Variants in SOD1 observed in about 807,000 individuals in gnomAD.
SOD1 encodes the protein superoxide dismutase [Cu-Zn].
A neutral mutation model predicts 15.9 loss-of-function variants in SOD1; 8 were observed. That is an observed-to-expected ratio of 0.50 (90% CI 0.30 to 0.91). SOD1 has a LOEUF of 0.91. SOD1 is among the 40% of genes least tolerant of loss of function. SOD1 has a pLI of 0.07. For missense variants in SOD1, 137 were observed against 194.5 expected (o/e 0.70, Z 1.76); for synonymous variants, 86 against 71.2 (o/e 1.21, Z -1.04).
At chr21:31,666,370 T>G in intron 2 of SOD1, 79 bp from the exon 3 acceptor site, 1 of 1,105,678 alleles carries the variant, frequency 9.0e-7, no homozygotes, top group Non-Finnish European at 1.3e-6. Context: ...CATGGGAAGT[T>G]TTAGCAGTGT....
At chr21:31,667,424 C>A in intron 4 of SOD1, 49 bp downstream of exon 4, 2 of 1,235,020 alleles carry the variant, frequency 1.6e-6, no homozygotes, top group South Asian at 1.2e-5. Flanking sequence ...AACATACAGT[C>A]ATGTATCTTT....
At chr21:31,659,992 G>GC (rs928753718) in intron 1 of SOD1, 151 bp downstream of exon 1, 3 of 661,110 alleles carry the variant, frequency 4.5e-6, no homozygotes, top group Non-Finnish European at 7.2e-6. Flanking sequence ...CGGTGCCTTC[G>GC]CCCCCAGCGG....
chr21:31,660,440 A>C (rs2049538705), intron 1 of SOD1: 1 of 152,334 alleles, frequency 6.6e-6, no homozygotes, highest in Admixed American at 6.5e-5. Context: ...TACGCAACAG[A>C]GACCGTTTGT....
Position 31,668,531 on chromosome 21 carries a change from A to G in SOD1, c.418A>G (p.Asn140Asp), listed in dbSNP as rs1568811471. The G allele has an allele frequency of 6.2e-7, 1 of 1,613,980 alleles. No individual in the cohort carries two copies. The highest frequency in any genetic ancestry group is 8.5e-7 in the Non-Finnish European group (1 of 1,179,868). ...GGNEESTKTG[N>D]AGSRLACGVI... is the part of the protein sequence containing the mutation. ...AAATGAAGAAAGTACAAAGACAGGA[A>G]ACGCTGGAAGTCGTTTGGCTTGTGG... The change falls in exon 5 of 5, where the codon AAC (asparagine) becomes GAC (aspartate). Residue 140 changes from asparagine to aspartate, a missense_variant. Asn to Asp is a conservative substitution (Grantham distance 23). Transcript: ENST00000270142.
intron 3 of SOD1, chr21:31,666,864 A>AT: frequency 7.5e-6 from 3 of 399,430 alleles, no homozygotes; most frequent in South Asian, 5.7e-5. Flanking sequence ...GCTTCTGTAG[A>AT]TAAAAAAAAA....
rs2049621305 is a variant in SOD1, at chr21:31,668,657, T to C, written c.*79T>C. On this transcript the variant is annotated 3_prime_UTR_variant, in exon 5 of 5. Coordinates refer to ENST00000270142, the MANE Select transcript of SOD1 (RefSeq NM_000454.5). ...CTGTAGAAATGTATCCTGATAAACA[T>C]TAAACACTGTAATCTTAAAAGTGTA... 4 of 1,054,398 alleles carry C rather than the reference T, an allele frequency of 3.8e-6. No homozygotes were observed. The Middle Eastern group carries it at 6.0e-4, about 159-fold the overall frequency. 65.3% of individuals were successfully genotyped at this position (1,054,398 alleles called of 1,614,324 possible).
intron 1 of SOD1, among the ~76,000 whole-genome samples, chr21:31,663,021 A>T (rs1471513517): frequency 6.7e-6 from 1 of 150,254 alleles, no homozygotes; most frequent in Non-Finnish European, 1.5e-5. Flanking sequence ...CTCAAAAAAA[A>T]AAAGAAAAAA....
chr21:31,660,349 A>C (rs1050718821), intron 1 of SOD1: 2 of 152,254 alleles, frequency 1.3e-5, no homozygotes, highest in African/African-American at 4.8e-5. Flanking sequence ...TCAGCGCTCT[A>C]GGTCAGGGAG....
Position 31,666,508 on chromosome 21 carries a change from G to A in SOD1, c.229G>A (p.Asp77Asn). ...PLSRKHGGPK[D>N]EERHVGDLGN... is the part of the protein sequence containing the mutation. ...ATCCAGAAAACACGGTGGGCCAAAG[G>A]ATGAAGAGAGGTAACAAGATGCTTA... The change falls in exon 3 of 5, where the codon GAT (aspartate) becomes AAT (asparagine). Residue 77 changes from aspartate to asparagine, a missense_variant. Coordinates refer to ENST00000270142, the MANE Select transcript of SOD1 (RefSeq NM_000454.5). 6.2e-7 allele frequency: 1 copy of A among 1,610,712 alleles called. No individual in the cohort carries two copies. The highest frequency in any genetic ancestry group is 8.5e-7 in the Non-Finnish European group (1 of 1,177,128).
In SOD1 at chr21:31,663,834, G is replaced by T. The variant is rs200072460; in HGVS notation, c.117G>T (p.Leu39=). ...PVKVWGSIKG[L]TEGLHGFHVH... ...AGGTGTGGGGAAGCATTAAAGGACT[G>T]ACTGAAGGCCTGCATGGATTCCATG... Residue 39 remains leucine (L), a synonymous_variant, in exon 2 of 5, where the codon CTG becomes CTT. Transcript: ENST00000270142. The T allele has an allele frequency of 1.2e-6, 2 of 1,613,678 alleles. No individual in the cohort carries two copies. Among genetic ancestry groups the T allele is most frequent in the Non-Finnish European group, 1.7e-6 (2 of 1,179,680 alleles).
At chr21:31,663,207 G>C (rs912271243) in intron 1 of SOD1, among the ~76,000 whole-genome samples, 1 of 149,790 alleles carries the variant, frequency 6.7e-6, no homozygotes, top group African/African-American at 2.5e-5. Flanking sequence ...CCAGAGTGTA[G>C]GATGAGACAT....
At position 31,668,403 on chromosome 21, in the gene SOD1, T is replaced by C. The variant is rs1279666160; in HGVS notation, c.358-68T>C. 3 of 952,412 alleles carry C rather than the reference T, an allele frequency of 3.1e-6. No homozygotes were observed. In the African/African-American group the frequency reaches 4.8e-5, roughly 15 times the overall value. 59.0% of individuals were successfully genotyped at this position (952,412 alleles called of 1,614,324 possible). On this transcript the variant is annotated intron_variant, in intron 4 of 4. Coordinates refer to ENST00000270142, the MANE Select transcript of SOD1 (RefSeq NM_000454.5). The stretch of plus-strand genomic sequence containing the variant: ...TATTATGAGGTTCTTAAACATCTTT[T>C]GGGTATTGTTGGGAGGAGGTAGTGA...
chr21:31,665,601 C>T (rs1468799198), intron 2 of SOD1, among the ~76,000 whole-genome samples: 2 of 152,124 alleles, frequency 1.3e-5, no homozygotes, highest in South Asian at 2.1e-4. Context: ...CCTGTGCTGT[C>T]GAGGTTGTGC....
intron 4 of SOD1, 149 bp downstream of exon 4, chr21:31,667,524 C>T (rs1272671749): frequency 2.8e-6 from 2 of 725,616 alleles, no homozygotes; most frequent in Non-Finnish European, 5.0e-6. Context: ...TGGACAATTA[C>T]GGTGAAAATG....
chr21:31,660,675 C>G (rs6650814), intron 1 of SOD1: 1 of 152,116 alleles, frequency 6.6e-6, no homozygotes. Context: ...GCCCAACCTC[C>G]GACCAATTAC....
At position 31,659,726 on chromosome 21, in the gene SOD1, G is replaced by T. The variant is rs1423429617; in HGVS notation, c.-44G>T. On this transcript the variant is annotated 5_prime_UTR_variant, in exon 1 of 5. Coordinates refer to ENST00000270142, the MANE Select transcript of SOD1 (RefSeq NM_000454.5). The stretch of plus-strand genomic sequence containing the variant: ...GTCTCCTGCAGCGTCTGGGGTTTCC[G>T]TTGCAGTCCTCGGAACCAGGACCTC... 2 of 1,607,302 alleles carry T rather than the reference G, an allele frequency of 1.2e-6. No individual in the cohort carries two copies. The highest frequency in any genetic ancestry group is 1.7e-5 in the Admixed American group (1 of 59,998).
chr21:31,667,554 G>GT (rs1297746633), intron 4 of SOD1, among the ~76,000 whole-genome samples, 179 bp downstream of exon 4: 3 of 152,210 alleles, frequency 2.0e-5, no homozygotes, highest in African/African-American at 4.8e-5. Context: ...ATCTAGGTCA[G>GT]TTAAGAACAC....
At chr21:31,659,892 C>A (rs371102436) in intron 1 of SOD1, 51 bp downstream of exon 1, 4 of 1,570,392 alleles carry the variant, frequency 2.5e-6, no homozygotes, top group East Asian at 2.2e-5. Flanking sequence ...ACCCGCTCGT[C>A]CCCCCGCGCA....
At chr21:31,666,865 TA>T (rs200145715) in intron 3 of SOD1, 10,723 of 315,372 alleles carry the variant, frequency 0.034, no homozygotes, top group South Asian at 0.055. Context: ...CTTCTGTAGA[TA>T]AAAAAAAAAA....
Sources: gnomAD v4.1 joint callset for allele counts (sites outside exome capture counted in the v4.1 genomes callset) on GRCh38, gnomAD v4.1.1 for gene constraint, MANE v1.5 for transcripts, NCBI Gene and HGNC (gene_info 2026-07-23, HGNC 2026-07-21) for gene names.